The following KLHL1 variants were observed in gnomAD, a reference collection of about 807,000 sequenced individuals.
KLHL1 encodes the protein kelch-like protein 1.
In KLHL1, 47 loss-of-function variants were observed where a neutral mutation model predicts 77.7. That is an observed-to-expected ratio of 0.60 (90% CI 0.48 to 0.77). KLHL1 has a LOEUF of 0.77. Among genes scored for constraint, KLHL1 ranks in the 30% least tolerant of loss-of-function variants. The pLI, the probability that KLHL1 is intolerant of heterozygous loss-of-function variation, is 0.00. For missense variants in KLHL1, 925 were observed against 910.8 expected (o/e 1.02, Z -0.20); for synonymous variants, 360 against 325.2 (o/e 1.11, Z -1.15).
intron 3 of KLHL1, among the ~76,000 whole-genome samples, chr13:69,956,005 TTA>T (rs1307490392): frequency 8.5e-6 from 1 of 117,182 alleles, no homozygotes; most frequent in East Asian, 2.0e-4. Flanking sequence ...TGATATATAT[TTA>T]TATATATTTG....
rs1233154095 is a variant in KLHL1 at position 69,993,908 on chromosome 13, C to T, written c.498-18106G>A. On this transcript the variant is annotated intron_variant, in intron 1 of 10. Coordinates refer to ENST00000377844, the MANE Select transcript of KLHL1 (RefSeq NM_020866.3). Reference sequence around the variant, plus strand: ...ACATGTTTGAGAAATATAGAGATCACATTTATTCAAAATATCCAGAGTAGA... The same window carrying T: ...ACATGTTTGAGAAATATAGAGATCATATTTATTCAAAATATCCAGAGTAGA... Among the ~76,000 whole-genome samples, 5 of 152,102 alleles carry T rather than the reference C, an allele frequency of 3.3e-5. No homozygotes were observed. The East Asian group carries it at 9.7e-4, about 29-fold the overall frequency.
At chr13:69,832,408 ACT>A (rs1038726755) in intron 6 of KLHL1, among the ~76,000 whole-genome samples, 7 of 149,678 alleles carry the variant, frequency 4.7e-5, no homozygotes, top group African/African-American at 1.8e-4. Context: ...GAGGTGAAAG[ACT>A]CTGCATGGAA....
At position 70,044,950 on chromosome 13, in the gene KLHL1, A is replaced by T. The variant is rs181164233; in HGVS notation, c.497+62253T>A. On this transcript the variant is annotated intron_variant, in intron 1 of 10. Transcript: ENST00000377844. ...CTATGACTCACAGAATAACCTTGGG[A>T]AAGTCATTTAACCTTCTATGACCAA... is the stretch of plus-strand genomic sequence containing the variant. Among the ~76,000 whole-genome samples, 3 of 152,292 alleles carry T rather than the reference A, an allele frequency of 2.0e-5. No homozygotes were observed. The East Asian group carries it at 5.8e-4, about 29-fold the overall frequency.
chr13:70,014,208 A>G (rs1885602911), intron 1 of KLHL1, among the ~76,000 whole-genome samples: 1 of 152,128 alleles, frequency 6.6e-6, no homozygotes, highest in Non-Finnish European at 1.5e-5. Context: ...TAAGACAAGA[A>G]AAATGAGCTG....
chr13:69,946,312 G>A (rs1883523211), intron 3 of KLHL1, among the ~76,000 whole-genome samples: 2 of 152,030 alleles, frequency 1.3e-5, no homozygotes, highest in Non-Finnish European at 2.9e-5. Flanking sequence ...TTGTATATGT[G>A]CAGTTTATTA....
intron 4 of KLHL1, among the ~76,000 whole-genome samples, chr13:69,929,185 G>T (rs1882912942): frequency 6.6e-6 from 1 of 151,946 alleles, no homozygotes; most frequent in Admixed American, 6.6e-5. Context: ...AAACTTCATT[G>T]CTTCACAGTT....
chr13:69,939,378 T>TATGTACAC (rs1200160699), intron 4 of KLHL1, among the ~76,000 whole-genome samples: 1 of 70,822 alleles, frequency 1.4e-5, no homozygotes, highest in East Asian at 3.3e-4. Flanking sequence ...TATATATATA[T>TATGTACAC]ACACACACAC....
chr13:70,093,983 T>C (rs1887730534), intron 1 of KLHL1, among the ~76,000 whole-genome samples: 1 of 152,194 alleles, frequency 6.6e-6, no homozygotes, highest in Admixed American at 6.6e-5. Flanking sequence ...TGAAATTATA[T>C]ATTTACTAAG....
chr13:70,004,174 G>T (rs9592672), intron 1 of KLHL1, among the ~76,000 whole-genome samples: 25,179 of 151,678 alleles, frequency 0.17, 2,196 homozygotes, highest in East Asian at 0.19. Context: ...AATGATTGGT[G>T]AATATAAATG....
chr13:69,825,816 C>A (rs1479765724), intron 6 of KLHL1, among the ~76,000 whole-genome samples: 2 of 152,108 alleles, frequency 1.3e-5, no homozygotes, highest in African/African-American at 4.8e-5. Flanking sequence ...CAGAGCAAAT[C>A]TGATAACTGA....
intron 9 of KLHL1, among the ~76,000 whole-genome samples, chr13:69,713,302 A>G (rs967607640): frequency 2.6e-5 from 4 of 152,138 alleles, no homozygotes; most frequent in Non-Finnish European, 5.9e-5. Context: ...TATGCCTAAC[A>G]CTGGCTAGGT....
chr13:69,972,835 C>T (rs1884429295), intron 2 of KLHL1, among the ~76,000 whole-genome samples: 1 of 151,828 alleles, frequency 6.6e-6, no homozygotes, highest in African/African-American at 2.4e-5. Context: ...AATTTTCTTA[C>T]AATTGAAAAT....
chr13:69,812,288 T>G (rs1235171471), intron 6 of KLHL1, among the ~76,000 whole-genome samples: 1 of 152,156 alleles, frequency 6.6e-6, no homozygotes, highest in East Asian at 1.9e-4. Context: ...TAATTTCTGT[T>G]ATTTTACTTC....
chr13:69,738,706 A>G (rs1387642875), intron 8 of KLHL1, among the ~76,000 whole-genome samples: 1 of 152,086 alleles, frequency 6.6e-6, no homozygotes, highest in Non-Finnish European at 1.5e-5. Flanking sequence ...AGAGAAAAAA[A>G]TAACAAAAAG....
chr13:69,908,756 G>A (rs1333583034), intron 4 of KLHL1, among the ~76,000 whole-genome samples: 4 of 150,954 alleles, frequency 2.6e-5, no homozygotes, highest in Admixed American at 6.6e-5. Context: ...TGTCTCCTTT[G>A]ATAAATAAAG....
Position 69,957,314 on chromosome 13 carries a change from G to A in KLHL1, c.817+3994C>T, listed in dbSNP as rs1028760835. Among the ~76,000 whole-genome samples, 7 of 151,646 alleles carry A rather than the reference G, an allele frequency of 4.6e-5. No individual in the cohort carries two copies. The Admixed American group carries it at 4.6e-4, about 10-fold the overall frequency. On this transcript the variant is annotated intron_variant, in intron 3 of 10. Transcript: ENST00000377844. ...GTAAAGGGCTTTTGCATTATGCCCT[G>A]CTCCACATAATCCTGTGCGTTGCCA...
intron 1 of KLHL1, among the ~76,000 whole-genome samples, chr13:70,069,199 G>A (rs1249703930): frequency 6.6e-6 from 1 of 152,126 alleles, no homozygotes; most frequent in Non-Finnish European, 1.5e-5. Flanking sequence ...CACATCAATA[G>A]TGGTCCTGTA....
chr13:69,775,694 T>G (rs1336608510), intron 7 of KLHL1, among the ~76,000 whole-genome samples: 1 of 139,126 alleles, frequency 7.2e-6, no homozygotes, highest in Non-Finnish European at 1.5e-5. Flanking sequence ...TGCCTAAGGG[T>G]TTTTTTTTGT....
At chr13:69,782,730 G>C (rs529402219) in intron 7 of KLHL1, among the ~76,000 whole-genome samples, 1 of 152,322 alleles carries the variant, frequency 6.6e-6, no homozygotes, top group African/African-American at 2.4e-5. Context: ...CTCCACCTCT[G>C]GGGGCAGGGC....
Sources: allele counts gnomAD v4.1 joint callset (sites outside exome capture counted in the v4.1 genomes callset), GRCh38; gene constraint gnomAD v4.1.1; transcripts MANE v1.5; gene names NCBI Gene and HGNC (gene_info 2026-07-23, HGNC 2026-07-21).